Variants in SGMS1 observed in about 807,000 individuals in gnomAD.
SGMS1 encodes phosphatidylcholine:ceramide cholinephosphotransferase 1.
SGMS1 carries 13 observed loss-of-function variants against 46.2 expected under a neutral mutation model. That is an observed-to-expected ratio of 0.28 (90% CI 0.18 to 0.45). SGMS1 has a LOEUF of 0.45. SGMS1 is among the 20% of genes least tolerant of loss of function. The probability of loss-of-function intolerance (pLI) is 1.00; values close to 1 mark genes in which losing one functional copy is unlikely to be tolerated. For missense variants in SGMS1, 324 were observed against 519.9 expected (o/e 0.62, Z 3.66); for synonymous variants, 203 against 187.8 (o/e 1.08, Z -0.66).
intron 3 of SGMS1, among the ~76,000 whole-genome samples, chr10:50,507,975 A>C (rs1206358651): frequency 6.6e-6 from 1 of 152,072 alleles, no homozygotes; most frequent in African/African-American, 2.4e-5. Context: ...AGAACCATTT[A>C]ATCCCCCACA....
At chr10:50,336,012 G>A (rs1465529356) in intron 7 of SGMS1, 1 of 152,140 alleles carries the variant, frequency 6.6e-6, no homozygotes, top group East Asian at 1.9e-4. Flanking sequence ...ATTAGAAAAG[G>A]TAGAAGCAAA....
chr10:50,427,393 CGT>C (rs1382406808), intron 6 of SGMS1, among the ~76,000 whole-genome samples: 1 of 152,090 alleles, frequency 6.6e-6, no homozygotes, highest in African/African-American at 2.4e-5. Flanking sequence ...AGCGAGACTC[CGT>C]CACAACAACA....
chr10:50,531,277 G>T (rs552133616), intron 2 of SGMS1, among the ~76,000 whole-genome samples: 1 of 152,218 alleles, frequency 6.6e-6, no homozygotes, highest in East Asian at 1.9e-4. Context: ...TACATGTGTA[G>T]ACTACCTGTT....
intron 2 of SGMS1, among the ~76,000 whole-genome samples, chr10:50,559,970 A>C (rs1838219237): frequency 6.6e-6 from 1 of 151,580 alleles, no homozygotes; most frequent in Non-Finnish European, 1.5e-5. Context: ...GCTCAGAGAG[A>C]ATGTGGTTTT....
intron 3 of SGMS1, among the ~76,000 whole-genome samples, chr10:50,476,418 G>A (rs1837428421): frequency 6.6e-6 from 1 of 152,150 alleles, no homozygotes; most frequent in Non-Finnish European, 1.5e-5. Flanking sequence ...TTGAAACTGG[G>A]TAACAGGCAG....
intron 3 of SGMS1, chr10:50,474,076 C>A (rs996552132): frequency 2.0e-5 from 3 of 152,228 alleles, no homozygotes; most frequent in Non-Finnish European, 2.9e-5. Flanking sequence ...AAAGCAAGTA[C>A]TGGACTGAAG....
At chr10:50,623,483 A>C in intron 1 of SGMS1, 4 of 759,096 alleles carry the variant, frequency 5.3e-6, no homozygotes, top group Non-Finnish European at 6.4e-6. Flanking sequence ...CCGAGCCCGG[A>C]TCCCGGCCGC....
chr10:50,370,222 G>A (rs1047305219), intron 6 of SGMS1, among the ~76,000 whole-genome samples: 2 of 151,808 alleles, frequency 1.3e-5, no homozygotes, highest in African/African-American at 4.8e-5. Flanking sequence ...TTATTTAAAA[G>A]TTTTTCTTTC....
intron 3 of SGMS1, among the ~76,000 whole-genome samples, chr10:50,495,770 A>AG (rs1458864984): frequency 1.3e-5 from 2 of 151,904 alleles, no homozygotes; most frequent in African/African-American, 4.8e-5. Context: ...GAATTATAAA[A>AG]AAAAAAAGAG....
intron 6 of SGMS1, among the ~76,000 whole-genome samples, chr10:50,389,659 C>T (rs1848735132): frequency 6.6e-6 from 1 of 152,224 alleles, no homozygotes; most frequent in Admixed American, 6.5e-5. Context: ...CCTCTGATGT[C>T]TCATCAGGCT....
intron 2 of SGMS1, among the ~76,000 whole-genome samples, chr10:50,559,918 G>A (rs1020312901): frequency 6.6e-6 from 1 of 152,024 alleles, no homozygotes; most frequent in Admixed American, 6.6e-5. Context: ...GGAAAAGAAA[G>A]TTTGTTAAAA....
intron 5 of SGMS1, among the ~76,000 whole-genome samples, chr10:50,455,443 C>T (rs1837179400): frequency 6.6e-6 from 1 of 152,178 alleles, no homozygotes. Flanking sequence ...GATACCCCTG[C>T]ACCAACTGTC....
intron 3 of SGMS1, among the ~76,000 whole-genome samples, chr10:50,501,827 C>A (rs538493314): frequency 2.6e-5 from 4 of 152,036 alleles, no homozygotes; most frequent in Non-Finnish European, 4.4e-5. Flanking sequence ...ATCATTGAAA[C>A]CCTAAGAAAA....
chr10:50,553,995 C>T (rs1472288618), intron 2 of SGMS1, among the ~76,000 whole-genome samples: 1 of 152,148 alleles, frequency 6.6e-6, no homozygotes, highest in Non-Finnish European at 1.5e-5. Flanking sequence ...TGAAAGTCTT[C>T]CCAGCATGTC....
At chr10:50,498,007 A>G (rs2133751514) in intron 3 of SGMS1, among the ~76,000 whole-genome samples, 1 of 152,342 alleles carries the variant, frequency 6.6e-6, no homozygotes, top group South Asian at 2.1e-4. Flanking sequence ...AAACTCTCAG[A>G]GTAAAAGTAT....
At chr10:50,414,888 T>C (rs1849147883) in intron 6 of SGMS1, among the ~76,000 whole-genome samples, 2 of 152,250 alleles carry the variant, frequency 1.3e-5, no homozygotes, top group South Asian at 4.1e-4. Context: ...CATCCCTCTT[T>C]GGGTAAAAGA....
chr10:50,393,483 T>C (rs1194233280), intron 6 of SGMS1, among the ~76,000 whole-genome samples: 2 of 152,180 alleles, frequency 1.3e-5, no homozygotes, highest in Non-Finnish European at 2.9e-5. Context: ...TTACTCTGTA[T>C]TTTCTCAACC....
At chr10:50,555,532 C>T (rs1838183199) in intron 2 of SGMS1, among the ~76,000 whole-genome samples, 1 of 152,146 alleles carries the variant, frequency 6.6e-6, no homozygotes, top group African/African-American at 2.4e-5. Context: ...GCGGTTGAGG[C>T]CTCTGCTTCA....
At chr10:50,355,408 G>A (rs539603406) in intron 6 of SGMS1, among the ~76,000 whole-genome samples, 1 of 152,292 alleles carries the variant, frequency 6.6e-6, no homozygotes, top group Admixed American at 6.5e-5. Context: ...CCCGGTGCCT[G>A]GGATTGCAGG....
Sources: allele counts gnomAD v4.1 joint callset (sites outside exome capture counted in the v4.1 genomes callset), GRCh38; gene constraint gnomAD v4.1.1; transcripts MANE v1.5; gene names NCBI Gene and HGNC (gene_info 2026-07-23, HGNC 2026-07-21).